Variants in ZNF74 observed in about 807,000 individuals in gnomAD.
ZNF74 encodes the protein zinc finger protein 520.
ZNF74 carries 12 observed loss-of-function variants against 17.7 expected under a neutral mutation model. The ratio of observed to expected loss-of-function variants is 0.68; its 90% CI spans 0.43 to 1.10. ZNF74 has a LOEUF of 1.10. Ranked by LOEUF, ZNF74 falls within the 50% of genes least tolerant of loss-of-function variation. The pLI, the probability that ZNF74 is intolerant of heterozygous loss-of-function variation, is 0.00. For missense variants in ZNF74, 811 were observed against 881.0 expected (o/e 0.92, Z 1.01); for synonymous variants, 358 against 362.1 (o/e 0.99, Z 0.13).
intron 2 of ZNF74, among the ~76,000 whole-genome samples, chr22:20,398,126 C>T (rs966972544): frequency 6.6e-5 from 10 of 151,944 alleles, no homozygotes; most frequent in African/African-American, 1.9e-4. Context: ...CAAGACCAGC[C>T]GGCCAACATG....
chr22:20,405,778 G>A lies in ZNF74; in HGVS notation c.745G>A (p.Val249Met), dbSNP rs115457800. The A allele has an allele frequency of 3.1e-6, 5 of 1,610,170 alleles. No individual in the cohort carries two copies. Among genetic ancestry groups the A allele is most frequent in the African/African-American group, 1.3e-5 (1 of 74,994 alleles). ...GGCGGGCGCCGGGGAGGGCGAGTTC[G>A]TGTGCGGCGAGTGCGGGAAGGCGTT... ...RGAGAGEGEFVCGECGKAFRQ... is the reference protein window; with the variant it reads ...RGAGAGEGEFMCGECGKAFRQ... The change falls in exon 5 of 5, where the codon GTG (valine) becomes ATG (methionine). Residue 249 changes from valine (V) to methionine (M), a missense_variant. Physicochemically the swap from Val to Met is conservative, Grantham distance 21. Coordinates refer to ENST00000400451, the MANE Select transcript of ZNF74 (RefSeq NM_003426.4).
Position 20,405,934 on chromosome 22 carries a change from G to A in ZNF74, c.901G>A (p.Glu301Lys), listed in dbSNP as rs1405480281. The A allele has an allele frequency of 1.2e-6, 2 of 1,613,948 alleles. No homozygotes were observed. Among genetic ancestry groups the A allele is most frequent in the South Asian group, 1.1e-5 (1 of 91,084 alleles). ...GGAGCACCGGCGCATCCACACCGGC[G>A]AGAAGCCCTTCTTCTGCGGCGAGTG... is the stretch of plus-strand genomic sequence containing the variant. ...LLEHRRIHTG[E>K]KPFFCGECGK... Residue 301 changes from glutamate to lysine, a missense_variant, in exon 5 of 5, where the codon GAG becomes AAG. Transcript: ENST00000400451.
At chr22:20,403,975 T>A (rs2052386000) in intron 4 of ZNF74, among the ~76,000 whole-genome samples, 1 of 152,194 alleles carries the variant, frequency 6.6e-6, no homozygotes, top group African/African-American at 2.4e-5. Flanking sequence ...CTGCACATGC[T>A]GTTCACTCTC....
intron 2 of ZNF74, among the ~76,000 whole-genome samples, chr22:20,395,731 A>G (rs1375778392): frequency 3.9e-5 from 6 of 152,334 alleles, no homozygotes; most frequent in East Asian, 1.9e-4. Context: ...TTGACGGCTC[A>G]CATGGGGTCG....
At chr22:20,402,876 G>A (rs2052374847) in intron 4 of ZNF74, among the ~76,000 whole-genome samples, 1 of 152,016 alleles carries the variant, frequency 6.6e-6, no homozygotes, top group Non-Finnish European at 1.5e-5. Flanking sequence ...GGAGGCTTAG[G>A]CAGGAGAATT....
At chr22:20,402,192 G>A (rs1030098090) in intron 4 of ZNF74, among the ~76,000 whole-genome samples, 1 of 152,064 alleles carries the variant, frequency 6.6e-6, no homozygotes, top group African/African-American at 2.4e-5. Flanking sequence ...ACGGGGGTCG[G>A]GGAAGGCAGC....
At position 20,406,329 on chromosome 22, in the gene ZNF74, C is replaced by A; in HGVS notation, c.1296C>A (p.Thr432=). 6.2e-7 allele frequency: 1 copy of A among 1,612,070 alleles called. No individual in the cohort carries two copies. Among genetic ancestry groups the A allele is most frequent in the Non-Finnish European group, 8.5e-7 (1 of 1,179,720 alleles). ...CCTTCAACAGCCGCTCGCGCCTCAC[C>A]CTCCACCAGAGGACGCACACGGGCG... ...EKAFNSRSRL[T]LHQRTHTGEK... The change falls in exon 5 of 5, where the codon ACC becomes ACA. Residue 432 remains threonine, a synonymous_variant. Coordinates refer to ENST00000400451, the MANE Select transcript of ZNF74 (RefSeq NM_003426.4).
Position 20,405,810 on chromosome 22 carries a change from G to A in ZNF74, c.777G>A (p.Gln259=), listed in dbSNP as rs746835749. The A allele has an allele frequency of 1.3e-5, 21 of 1,612,446 alleles. No individual in the cohort carries two copies. In the Admixed American group the frequency reaches 3.0e-4, roughly 23 times the overall value. Residue 259 remains glutamine, a synonymous_variant, in exon 5 of 5, where the codon CAG becomes CAA. Coordinates refer to ENST00000400451, the MANE Select transcript of ZNF74 (RefSeq NM_003426.4). The stretch of plus-strand genomic sequence containing the variant: ...GCGAGTGCGGGAAGGCGTTCCGCCA[G>A]AGCTCCTCCCTCACGCTGCACCGGC... ...VCGECGKAFR[Q]SSSLTLHRRW... is the part of the protein sequence containing the mutation.
rs1444956438 is a variant in ZNF74 at position 20,405,917 on chromosome 22, G to A, written c.884G>A (p.Arg295Gln). The A allele has an allele frequency of 2.2e-5, 35 of 1,613,450 alleles. No individual in the cohort carries two copies. Among genetic ancestry groups the A allele is most frequent in the Non-Finnish European group, 2.7e-5 (32 of 1,179,872 alleles). ...TGGAGCACCAACCTTCTGGAGCACC[G>A]GCGCATCCACACCGGCGAGAAGCCC... Reference protein sequence around the residue: ...FTWSTNLLEHRRIHTGEKPFF... With the variant: ...FTWSTNLLEHQRIHTGEKPFF... The change falls in exon 5 of 5, where the codon CGG (arginine) becomes CAG (glutamine). Residue 295 changes from arginine (R) to glutamine (Q), a missense_variant. By Grantham distance (43) the Arg-to-Gln change is conservative (BLOSUM62 1). Coordinates refer to ENST00000400451, the MANE Select transcript of ZNF74 (RefSeq NM_003426.4).
In ZNF74 at chr22:20,406,398, C is replaced by G. The variant is rs780517135; in HGVS notation, c.1365C>G (p.Cys455Trp). ...CCGACTGCGGGAAGGGCTTCAGCTG[C>G]CACGCGTACCTGCTCGTGCACCGGC... Reference protein sequence around the residue: ...KCADCGKGFSCHAYLLVHRRI... With the variant: ...KCADCGKGFSWHAYLLVHRRI... The change falls in exon 5 of 5, where the codon TGC (cysteine) becomes TGG (tryptophan). Residue 455 changes from cysteine to tryptophan, a missense_variant. Physicochemically the swap from Cys to Trp is radical, Grantham distance 215. This residue lies in a region of ZNF74 where 666 missense variants were observed against 702.3 expected (regional missense o/e 0.95). Transcript: ENST00000400451. The G allele has an allele frequency of 1.2e-6, 2 of 1,613,532 alleles. No homozygotes were observed. The highest frequency in any genetic ancestry group is 1.7e-6 in the Non-Finnish European group (2 of 1,179,910).
intron 1 of ZNF74, 114 bp downstream of exon 1, chr22:20,394,776 T>A (rs1338279791): frequency 7.4e-5 from 74 of 1,003,444 alleles, no homozygotes; most frequent in East Asian, 1.3e-4. Context: ...TTTTTTTTTT[T>A]AAATGGAATC....
chr22:20,402,460 A>G (rs1391896963), intron 4 of ZNF74, among the ~76,000 whole-genome samples: 1 of 152,110 alleles, frequency 6.6e-6, no homozygotes, highest in Non-Finnish European at 1.5e-5. Flanking sequence ...ATAACTGACC[A>G]TGTCACTGAT....
Position 20,406,047 on chromosome 22 carries a change from G to A in ZNF74, c.1014G>A (p.Glu338=). The A allele has an allele frequency of 4.3e-6, 7 of 1,612,034 alleles. No homozygotes were observed. Among genetic ancestry groups the A allele is most frequent in the Non-Finnish European group, 5.9e-6 (7 of 1,179,362 alleles). ...GGCCCTACAAGTGCAGCGCCTGCGA[G>A]AAGGCCTTCAGCTGCAGCTCGCTGC... ...GERPYKCSAC[E]KAFSCSSLLS... Residue 338 remains glutamate (E), a synonymous_variant, in exon 5 of 5, where the codon GAG becomes GAA. Transcript: ENST00000400451.
At position 20,395,350 on chromosome 22, in the gene ZNF74, C is replaced by T. The variant is rs770010602; in HGVS notation, c.52C>T (p.Pro18Ser). 1.2e-6 allele frequency: 2 copies of T among 1,602,844 alleles called. No homozygotes were observed. Among genetic ancestry groups the T allele is most frequent in the Non-Finnish European group, 1.7e-6 (2 of 1,171,310 alleles). The change falls in exon 2 of 5, where the codon CCT becomes TCT. Residue 18 changes from proline (P) to serine (S), a missense_variant. Physicochemically the swap from Pro to Ser is moderately conservative, Grantham distance 74. Around this residue, in one of 3 missense-constraint regions of ZNF74, gnomAD observed 666 missense variants for 702.3 expected, o/e 0.95. Transcript: ENST00000400451. The stretch of plus-strand genomic sequence containing the variant: ...TTCGCCAGCTCTTTCCTCTCAGGAT[C>T]CTGCTCTTTCCCTGAAAGAGAATCT... ...PEKTALSSQD[P>S]ALSLKENLED...
intron 2 of ZNF74, among the ~76,000 whole-genome samples, chr22:20,396,967 C>T (rs1188264135): frequency 6.6e-6 from 1 of 152,212 alleles, no homozygotes; most frequent in East Asian, 1.9e-4. Flanking sequence ...AGACCCTACC[C>T]TACTCTTGCT....
chr22:20,402,619 T>C (rs1216588880), intron 4 of ZNF74, among the ~76,000 whole-genome samples: 1 of 151,950 alleles, frequency 6.6e-6, no homozygotes, highest in Non-Finnish European at 1.5e-5. Flanking sequence ...CTGACCAACA[T>C]AGAGAAACCC....
intron 2 of ZNF74, among the ~76,000 whole-genome samples, chr22:20,395,913 A>G (rs361927): frequency 0.63 from 95,198 of 151,876 alleles, 31,646 homozygotes; most frequent in East Asian, 0.94. Flanking sequence ...CTCTGTACCC[A>G]GCCCCTGGCA....
Position 20,401,051 on chromosome 22 carries a change from G to C in ZNF74, c.248-226G>C. 1.7e-6 allele frequency: 1 copy of C among 594,678 alleles called. No homozygotes were observed. The allele number at this position is 594,678 out of a possible 1,614,324, so 36.8% of individuals were successfully genotyped here. The stretch of plus-strand genomic sequence containing the variant: ...CTGGAGCCCAGCTGGCTCTGGAACA[G>C]TCCTCAAGCAATGAAGTAAGGACGT... On this transcript the variant is annotated intron_variant, in intron 3 of 4. Coordinates refer to ENST00000400451, the MANE Select transcript of ZNF74 (RefSeq NM_003426.4). The surrounding 1 kb of genome is among the most constrained non-coding windows in gnomAD (Gnocchi z 4.2).
rs762380555 is a variant in ZNF74 at position 20,401,238 on chromosome 22, A to T, written c.248-39A>T. 13 of 1,427,498 alleles carry T rather than the reference A, an allele frequency of 9.1e-6. No individual in the cohort carries two copies. The highest frequency in any genetic ancestry group is 1.3e-5 in the Non-Finnish European group (13 of 1,020,592). The allele number at this position is 1,427,498 out of a possible 1,614,324, so 88.4% of individuals were successfully genotyped here. A position where few individuals can be genotyped will look rare whatever the true frequency, so the allele number is the denominator to read the frequency against. On this transcript the variant is annotated intron_variant, in intron 3 of 4. Transcript: ENST00000400451. The surrounding 1 kb of genome is among the most constrained non-coding windows in gnomAD (Gnocchi z 4.2). ...CCTGTAAGGTCGACTGGGCCTGGAG[A>T]GCTGCAGCATGCCCAGCCCACTTTC...
Sources: allele counts gnomAD v4.1 joint callset (sites outside exome capture counted in the v4.1 genomes callset), GRCh38; gene constraint gnomAD v4.1.1; regional missense constraint gnomAD v4.1.1; non-coding constraint Gnocchi (gnomAD v3.1); transcripts MANE v1.5; gene names NCBI Gene and HGNC (gene_info 2026-07-23, HGNC 2026-07-21).